RSRC1: variants seen among roughly 807,000 people sequenced by gnomAD.
RSRC1 encodes arginine and serine rich coiled-coil 1, also known as serine/Arginine-related protein 53.
RSRC1 carries 39 observed loss-of-function variants against 49.1 expected under a neutral mutation model. That is an observed-to-expected ratio of 0.79 (90% CI 0.61 to 1.04). The LOEUF (loss-of-function observed/expected upper bound fraction) is 1.04. Among genes scored for constraint, RSRC1 ranks in the 50% least tolerant of loss-of-function variants. The probability of loss-of-function intolerance (pLI) is 0.00; values close to 1 mark genes in which losing one functional copy is unlikely to be tolerated. For missense variants in RSRC1, 388 were observed against 402.4 expected (o/e 0.96, Z 0.31); for synonymous variants, 143 against 130.8 (o/e 1.09, Z -0.63).
At chr3:158,498,147 T>C (rs1739433581) in intron 7 of RSRC1, among the ~76,000 whole-genome samples, 1 of 152,188 alleles carries the variant, frequency 6.6e-6, no homozygotes. Flanking sequence ...GGAATCTCCA[T>C]GCTGTTTTCC....
chr3:158,137,751 T>G (rs1413023526), intron 3 of RSRC1, among the ~76,000 whole-genome samples: 1 of 151,902 alleles, frequency 6.6e-6, no homozygotes, highest in Non-Finnish European at 1.5e-5. Flanking sequence ...CCTCCTGGGT[T>G]GAAGCGATTC....
chr3:158,537,927 A>G (rs1414906095), intron 8 of RSRC1, among the ~76,000 whole-genome samples: 1 of 151,812 alleles, frequency 6.6e-6, no homozygotes, highest in Non-Finnish European at 1.5e-5. Context: ...TTTTAACTTC[A>G]GAGATTTTAA....
chr3:158,151,597 A>G (rs1420840338), intron 3 of RSRC1, among the ~76,000 whole-genome samples: 1 of 152,188 alleles, frequency 6.6e-6, no homozygotes, highest in African/African-American at 2.4e-5. Context: ...CCAAGTACAT[A>G]TGTCCTGAAT....
At chr3:158,179,610 G>GTAT (rs1350889803) in intron 3 of RSRC1, among the ~76,000 whole-genome samples, 1 of 152,074 alleles carries the variant, frequency 6.6e-6, no homozygotes. Flanking sequence ...GTATCTCACG[G>GTAT]TATGGTTGTA....
At chr3:158,509,566 T>A (rs1005617677) in intron 7 of RSRC1, among the ~76,000 whole-genome samples, 1 of 152,144 alleles carries the variant, frequency 6.6e-6, no homozygotes, top group Non-Finnish European at 1.5e-5. Context: ...GGAGGATCGC[T>A]TGAGCCCAGA....
At chr3:158,164,574 G>A (rs1270783226) in intron 3 of RSRC1, among the ~76,000 whole-genome samples, 1 of 151,948 alleles carries the variant, frequency 6.6e-6, no homozygotes, top group South Asian at 2.1e-4. Flanking sequence ...ATACTTTGTG[G>A]CGCAGAATTA....
intron 7 of RSRC1, chr3:158,496,771 CT>C: frequency 3.6e-6 from 1 of 277,396 alleles, no homozygotes; most frequent in South Asian, 4.3e-5. Context: ...CCAAATCTAC[CT>C]AAGTAAGGTT....
chr3:158,236,517 A>G (rs1056273630), intron 4 of RSRC1, among the ~76,000 whole-genome samples: 7 of 152,214 alleles, frequency 4.6e-5, no homozygotes, highest in African/African-American at 1.7e-4. Context: ...GATTTCACTT[A>G]CAATAGATTA....
At chr3:158,213,998 C>G (rs1721822835) in intron 4 of RSRC1, among the ~76,000 whole-genome samples, 1 of 151,580 alleles carries the variant, frequency 6.6e-6, no homozygotes, top group African/African-American at 2.4e-5. Flanking sequence ...AACCACAGAT[C>G]AGAAATGTTT....
chr3:158,388,761 C>T (rs565389513), intron 6 of RSRC1, among the ~76,000 whole-genome samples: 2 of 152,210 alleles, frequency 1.3e-5, no homozygotes, highest in South Asian at 2.1e-4. Flanking sequence ...AGGCACACGC[C>T]ACCATGCCCA....
intron 5 of RSRC1, among the ~76,000 whole-genome samples, chr3:158,343,344 T>G (rs1730360789): frequency 6.6e-6 from 1 of 152,040 alleles, no homozygotes; most frequent in Admixed American, 6.6e-5. Flanking sequence ...AAATTCCAAG[T>G]CTACTTATAG....
At chr3:158,188,194 C>T (rs992286002) in intron 3 of RSRC1, among the ~76,000 whole-genome samples, 5 of 151,814 alleles carry the variant, frequency 3.3e-5, no homozygotes, top group Non-Finnish European at 4.4e-5. Context: ...CTTTCTCCCC[C>T]TGTGTGATAT....
intron 6 of RSRC1, among the ~76,000 whole-genome samples, chr3:158,444,905 G>T (rs1288057186): frequency 6.6e-6 from 1 of 152,142 alleles, no homozygotes; most frequent in African/African-American, 2.4e-5. Flanking sequence ...ATGAAAAAAT[G>T]CTCATCATCA....
At chr3:158,226,046 G>T (rs1722512849) in intron 4 of RSRC1, among the ~76,000 whole-genome samples, 1 of 151,858 alleles carries the variant, frequency 6.6e-6, no homozygotes, top group Non-Finnish European at 1.5e-5. Flanking sequence ...TACCTCAAGG[G>T]CTTGTGGGAG....
At chr3:158,417,174 G>C (rs563314838) in intron 6 of RSRC1, among the ~76,000 whole-genome samples, 1 of 151,956 alleles carries the variant, frequency 6.6e-6, no homozygotes, top group South Asian at 2.1e-4. Flanking sequence ...TGTAACTTCA[G>C]AATTCTCAAC....
chr3:158,381,780 A>T, intron 6 of RSRC1, among the ~76,000 whole-genome samples: 1 of 152,200 alleles, frequency 6.6e-6, no homozygotes, highest in East Asian at 1.9e-4. Flanking sequence ...GCTATAAAAG[A>T]TAAAAAATAA....
At chr3:158,438,216 T>A (rs1736157271) in intron 6 of RSRC1, among the ~76,000 whole-genome samples, 1 of 152,048 alleles carries the variant, frequency 6.6e-6, no homozygotes, top group Non-Finnish European at 1.5e-5. Context: ...ATAGAAAGAA[T>A]CAATGTCATG....
intron 4 of RSRC1, among the ~76,000 whole-genome samples, chr3:158,204,229 GTTGT>G (rs1009077214): frequency 2.6e-5 from 4 of 152,184 alleles, no homozygotes; most frequent in Middle Eastern, 3.4e-3. Flanking sequence ...CTTTTTCACA[GTTGT>G]TTGTGTGTTT....
intron 6 of RSRC1, among the ~76,000 whole-genome samples, chr3:158,423,403 T>C (rs1459489775): frequency 6.6e-6 from 1 of 152,198 alleles, no homozygotes; most frequent in Non-Finnish European, 1.5e-5. Flanking sequence ...GCGGTGTTAT[T>C]TCTGAGGGCT....
Sources: allele counts gnomAD v4.1 joint callset (sites outside exome capture counted in the v4.1 genomes callset), GRCh38; gene constraint gnomAD v4.1.1; transcripts MANE v1.5; gene names NCBI Gene and HGNC (gene_info 2026-07-23, HGNC 2026-07-21).